The following LOC128462377 variants were observed in gnomAD, a reference collection of about 807,000 sequenced individuals.
At chr16:89,413,020 C>T in the LOC128462377 span, among the ~76,000 whole-genome samples, 2 of 152,126 alleles carry the variant, frequency 1.3e-5, no homozygotes, top group Non-Finnish European at 2.9e-5. Flanking sequence ...TGTTCCAAAC[C>T]CTCCCCCAGG....
chr16:89,361,338 T>A, the LOC128462377 span, among the ~76,000 whole-genome samples: 2 of 151,410 alleles, frequency 1.3e-5, no homozygotes, highest in Non-Finnish European at 2.9e-5. Flanking sequence ...GGGCGGGGGG[T>A]GCTGCAGGGA....
At chr16:89,347,436 C>T in the LOC128462377 span, among the ~76,000 whole-genome samples, 13 of 152,074 alleles carry the variant, frequency 8.5e-5, 1 homozygote, top group South Asian at 2.5e-3. Flanking sequence ...GGTGAAACCC[C>T]GTCTCTACTA....
chr16:89,322,106 T>C, the LOC128462377 span, among the ~76,000 whole-genome samples: 1 of 152,136 alleles, frequency 6.6e-6, no homozygotes, highest in East Asian at 1.9e-4. Flanking sequence ...TTAGTTAAGT[T>C]TGGGGAAAGT....
chr16:89,405,521 C>G, the LOC128462377 span, among the ~76,000 whole-genome samples: 1 of 138,092 alleles, frequency 7.2e-6, no homozygotes, highest in Non-Finnish European at 1.5e-5. Context: ...TTGGTAGAGA[C>G]AGGGTTCTCA....
chr16:89,397,585 T>C, the LOC128462377 span, among the ~76,000 whole-genome samples: 1 of 152,156 alleles, frequency 6.6e-6, no homozygotes, highest in Non-Finnish European at 1.5e-5. Context: ...AGGACAAAGG[T>C]GTGCATGGCA....
chr16:89,336,159 A>T, the LOC128462377 span, among the ~76,000 whole-genome samples: 1 of 152,232 alleles, frequency 6.6e-6, no homozygotes, highest in South Asian at 2.1e-4. Context: ...GCCTCTGGCC[A>T]CTTGTCCAGG....
chr16:89,318,145 G>A, the LOC128462377 span, among the ~76,000 whole-genome samples: 1 of 152,312 alleles, frequency 6.6e-6, no homozygotes, highest in African/African-American at 2.4e-5. Flanking sequence ...GCGACACACG[G>A]TGCGAGCGCA....
At chr16:89,348,346 T>C in the LOC128462377 span, among the ~76,000 whole-genome samples, 2 of 152,224 alleles carry the variant, frequency 1.3e-5, no homozygotes, top group East Asian at 3.8e-4. Context: ...TTTGAACTTC[T>C]GAGATAAACC....
chr16:89,360,257 GTTATC>G, the LOC128462377 span, among the ~76,000 whole-genome samples: 222 of 152,246 alleles, frequency 1.5e-3, no homozygotes, highest in African/African-American at 5.2e-3. Flanking sequence ...TTATGGCTAT[GTTATC>G]TTATCTTATT....
chr16:89,399,970 C>A, the LOC128462377 span, among the ~76,000 whole-genome samples: 1 of 152,062 alleles, frequency 6.6e-6, no homozygotes, highest in African/African-American at 2.4e-5. Context: ...GCAGCCTCTG[C>A]CCCAGGCTTC....
the LOC128462377 span, chr16:89,323,094 T>C: frequency 3.2e-6 from 1 of 315,018 alleles, no homozygotes. Context: ...CCCTGCCTTT[T>C]CCAGCTGAGC....
At chr16:89,358,868 C>T in the LOC128462377 span, among the ~76,000 whole-genome samples, 1 of 152,046 alleles carries the variant, frequency 6.6e-6, no homozygotes, top group African/African-American at 2.4e-5. Flanking sequence ...CTCTGCTGCC[C>T]AGGCTGGAGC....
the LOC128462377 span, among the ~76,000 whole-genome samples, chr16:89,337,788 G>A: frequency 6.6e-6 from 1 of 152,128 alleles, no homozygotes; most frequent in African/African-American, 2.4e-5. Context: ...TCTTTCCTAG[G>A]TGGAAAGCAA....
At chr16:89,401,178 C>G in the LOC128462377 span, among the ~76,000 whole-genome samples, 1 of 148,810 alleles carries the variant, frequency 6.7e-6, no homozygotes, top group Non-Finnish European at 1.5e-5. Context: ...ATTGCAACCT[C>G]TGCCTCCCAA....
chr16:89,395,740 A>AT, the LOC128462377 span: 7 of 152,250 alleles, frequency 4.6e-5, no homozygotes, highest in Non-Finnish European at 1.0e-4. Context: ...CACAGACTGA[A>AT]TAGCTTGGTA....
chr16:89,344,697 G>C, the LOC128462377 span, among the ~76,000 whole-genome samples: 1 of 152,138 alleles, frequency 6.6e-6, no homozygotes, highest in Non-Finnish European at 1.5e-5. Context: ...GACACCTTCA[G>C]ACTGGGAAGA....
the LOC128462377 span, among the ~76,000 whole-genome samples, chr16:89,383,542 A>G: frequency 6.6e-6 from 1 of 152,232 alleles, no homozygotes; most frequent in East Asian, 1.9e-4. Context: ...AAGAAGGAAG[A>G]GCCATGAAGT....
chr16:89,323,545 AGGGC>A, the LOC128462377 span, among the ~76,000 whole-genome samples: 1 of 87,496 alleles, frequency 1.1e-5, no homozygotes, highest in Non-Finnish European at 2.2e-5. Context: ...GGCTGAGCCG[AGGGC>A]AGGGGGTCTG....
At chr16:89,418,143 C>A in the LOC128462377 span, 2 of 392,058 alleles carry the variant, frequency 5.1e-6, no homozygotes, top group African/African-American at 2.0e-5. Flanking sequence ...AAGTGAAATC[C>A]AGAACAAAAT....
Sources: gnomAD v4.1 joint callset for allele counts (sites outside exome capture counted in the v4.1 genomes callset) on GRCh38, gnomAD v4.1.1 for gene constraint, MANE v1.5 for transcripts.